Variants in UNC80 observed in about 807,000 individuals in gnomAD.
The protein encoded by UNC80 is protein unc-80 homolog.
UNC80 carries 164 observed loss-of-function variants against 384.6 expected under a neutral mutation model. That is an observed-to-expected ratio of 0.43 (90% confidence interval 0.38 to 0.49). UNC80 has a LOEUF of 0.49. Among genes scored for constraint, UNC80 ranks in the 20% least tolerant of loss-of-function variants. The pLI, the probability that UNC80 is intolerant of heterozygous loss-of-function variation, is 0.00. For synonymous variants in UNC80, 1,486 were observed against 1,527.8 expected (o/e 0.97, Z 0.64); for missense variants, 3,330 against 4,143.0 (o/e 0.80, Z 5.39).
At position 209,941,356 on chromosome 2, in the gene UNC80, G is replaced by C. The variant is rs2091619893; in HGVS notation, c.6782G>C (p.Gly2261Ala). ...ATGCTTTTCCTCAACGTTTTTAACG[G>C]GGCTCTGATCCTCCACCCGGAAGAC... ...EIMLFLNVFN[G>A]ALILHPEDSA... Residue 2261 changes from glycine to alanine, a missense_variant, in exon 44 of 65, where the codon GGG (glycine) becomes GCG (alanine). Physicochemically the swap from Gly to Ala is moderately conservative, Grantham distance 60. Coordinates refer to ENST00000673920, the MANE Select transcript of UNC80 (RefSeq NM_001371986.1). 3 of 1,551,138 alleles carry C rather than the reference G, an allele frequency of 1.9e-6. No individual in the cohort carries two copies. Among genetic ancestry groups the C allele is most frequent in the Non-Finnish European group, 2.6e-6 (3 of 1,146,644 alleles).
In UNC80 at chr2:209,982,173, T is replaced by C; in HGVS notation, c.9119-6T>C. 6.5e-7 allele frequency: 1 copy of C among 1,550,288 alleles called. No individual in the cohort carries two copies. The highest frequency in any genetic ancestry group is 8.7e-7 in the Non-Finnish European group (1 of 1,146,204). Reference sequence around the variant, plus strand: ...TTGTAACACTCTATTCCTTTGCCCCTTTTAGATGACTCTATAAGCATGCCC... The same window carrying C: ...TTGTAACACTCTATTCCTTTGCCCCCTTTAGATGACTCTATAAGCATGCCC... On this transcript the variant is annotated splice_polypyrimidine_tract_variant and splice_region_variant and intron_variant, in intron 59 of 64. Coordinates refer to ENST00000673920, the MANE Select transcript of UNC80 (RefSeq NM_001371986.1).
At chr2:209,772,828 C>T (rs897369673) in intron 1 of UNC80, among the ~76,000 whole-genome samples, 2 of 152,000 alleles carry the variant, frequency 1.3e-5, no homozygotes, top group East Asian at 1.9e-4. Flanking sequence ...CACTTCTGAC[C>T]ACTGGCGATT....
At chr2:209,827,504 C>G (rs77846645) in intron 14 of UNC80, among the ~76,000 whole-genome samples, 1 of 152,060 alleles carries the variant, frequency 6.6e-6, no homozygotes, top group African/African-American at 2.4e-5. Flanking sequence ...CCAGGAGCAC[C>G]GAACACTTCC....
At chr2:209,959,348 A>AT (rs2092517696) in intron 50 of UNC80, 141 bp from the exon 51 acceptor site, 2 of 1,071,092 alleles carry the variant, frequency 1.9e-6, no homozygotes, top group Non-Finnish European at 2.7e-6. Context: ...TATCCTTCGG[A>AT]TGAGGTTCTC....
chr2:209,877,878 G>C (rs1391755116), intron 23 of UNC80, 76 bp from the exon 24 acceptor site: 2 of 1,395,628 alleles, frequency 1.4e-6, no homozygotes, highest in Admixed American at 3.0e-5. Context: ...GGTTGCTTAT[G>C]TCTGATGTAA....
chr2:209,848,196 C>T (rs779639114), intron 21 of UNC80, among the ~76,000 whole-genome samples: 1 of 151,916 alleles, frequency 6.6e-6, no homozygotes, highest in African/African-American at 2.4e-5. Context: ...GTTTGTTCCT[C>T]GTCTATAGCT....
chr2:209,921,689 G>T lies in UNC80; in HGVS notation c.5530+3G>T, dbSNP rs2124953239. 6.5e-7 allele frequency: 1 copy of T among 1,548,946 alleles called. No homozygotes were observed. Among genetic ancestry groups the T allele is most frequent in the Non-Finnish European group, 8.7e-7 (1 of 1,145,902 alleles). ...CAACTCAGAACCGGAAGAAGAAGGT[G>T]CCCTCTGCACACAGGACTTCTTGGG... On this transcript the variant is annotated splice_donor_region_variant and intron_variant, in intron 34 of 64. Transcript: ENST00000673920.
At chr2:209,986,158 C>A (rs2093283091) in intron 61 of UNC80, among the ~76,000 whole-genome samples, 2 of 152,296 alleles carry the variant, frequency 1.3e-5, no homozygotes, top group South Asian at 4.1e-4. Context: ...TGGAAGAGAT[C>A]TGAACCAAGT....
chr2:209,877,349 C>T (rs988523213), intron 23 of UNC80, among the ~76,000 whole-genome samples: 7 of 152,056 alleles, frequency 4.6e-5, no homozygotes, highest in African/African-American at 1.4e-4. Context: ...GTTATTAAAA[C>T]TCATATTTCT....
Position 209,995,318 on chromosome 2 carries a change from T to G in UNC80, c.9709-11T>G. The G allele has an allele frequency of 6.4e-7, 1 of 1,551,988 alleles. No homozygotes were observed. The highest frequency in any genetic ancestry group is 8.7e-7 in the Non-Finnish European group (1 of 1,147,014). ...TATCTTTCCATAATGTTATGATCCT[T>G]TTGATCACAGAGTGAGAACTTCCCC... On this transcript the variant is annotated splice_polypyrimidine_tract_variant and intron_variant, in intron 64 of 64. Coordinates refer to ENST00000673920, the MANE Select transcript of UNC80 (RefSeq NM_001371986.1).
intron 25 of UNC80, among the ~76,000 whole-genome samples, chr2:209,883,589 C>A (rs1414717845): frequency 1.3e-5 from 2 of 151,940 alleles, no homozygotes; most frequent in African/African-American, 2.4e-5. Flanking sequence ...CACCACCATG[C>A]CCAGCTAATT....
intron 5 of UNC80, among the ~76,000 whole-genome samples, chr2:209,788,921 T>G (rs1002988263): frequency 6.6e-6 from 1 of 152,188 alleles, no homozygotes; most frequent in Non-Finnish European, 1.5e-5. Flanking sequence ...GTAAGTGCTC[T>G]ATATAGGTGT....
At chr2:209,964,599 C>A (rs1279183103) in intron 51 of UNC80, among the ~76,000 whole-genome samples, 1 of 151,964 alleles carries the variant, frequency 6.6e-6, no homozygotes, top group Non-Finnish European at 1.5e-5. Flanking sequence ...CCATCCTGGC[C>A]AACATAGTGA....
chr2:209,877,547 T>C (rs2084891291), intron 23 of UNC80, among the ~76,000 whole-genome samples: 1 of 152,176 alleles, frequency 6.6e-6, no homozygotes, highest in Non-Finnish European at 1.5e-5. Flanking sequence ...GACATTCTCA[T>C]TAAAAATAGC....
chr2:209,825,919 C>A lies in UNC80; in HGVS notation c.2344C>A (p.Pro782Thr), dbSNP rs530862952. The A allele has an allele frequency of 2.6e-6, 4 of 1,545,464 alleles. No homozygotes were observed. The highest frequency in any genetic ancestry group is 3.5e-6 in the Non-Finnish European group (4 of 1,144,454). The change falls in exon 14 of 65, where the codon CCT (proline) becomes ACT (threonine). Residue 782 changes from proline to threonine, a missense_variant. Around this residue, in one of 8 missense-constraint regions of UNC80, gnomAD observed 937 missense variants for 1,026.8 expected, o/e 0.91. Transcript: ENST00000673920. The part of the protein sequence containing the change: ...DKNQEKDEST[P>T]VSNHRLALTM... Reference sequence around the variant, plus strand: ...TCGTGGGTACCAGGATGAAAGTACACCTGTAAGCAACCATAGGCTTGCTCT... The same window carrying A: ...TCGTGGGTACCAGGATGAAAGTACAACTGTAAGCAACCATAGGCTTGCTCT...
chr2:209,995,030 A>G (rs1021616552), intron 64 of UNC80, among the ~76,000 whole-genome samples: 2 of 152,196 alleles, frequency 1.3e-5, no homozygotes, highest in Non-Finnish European at 2.9e-5. Flanking sequence ...ATGTTACTGT[A>G]TACATTTGTA....
intron 33 of UNC80, among the ~76,000 whole-genome samples, chr2:209,921,033 G>T (rs2089997822): frequency 6.6e-6 from 1 of 152,022 alleles, no homozygotes; most frequent in Admixed American, 6.6e-5. Flanking sequence ...TCACCATGTT[G>T]CTCAGGCTGG....
chr2:209,772,094 G>C lies in UNC80; in HGVS notation c.22G>C (p.Glu8Gln), dbSNP rs1197659901. 2.6e-6 allele frequency: 4 copies of C among 1,549,496 alleles called. No individual in the cohort carries two copies. In the African/African-American group the frequency reaches 4.1e-5, roughly 16 times the overall value. The change falls in exon 1 of 65, where the codon GAG becomes CAG. Residue 8 changes from glutamate (E) to glutamine (Q), a missense_variant. By Grantham distance (29) the Glu-to-Gln change is conservative. Coordinates refer to ENST00000673920, the MANE Select transcript of UNC80 (RefSeq NM_001371986.1). The part of the protein sequence containing the change: MVKRKSS[E>Q]GQEQDGGRGI... ...CATTATGGTGAAGAGGAAGAGCTCCGAGGGCCAGGAGCAGGACGGCGGCCG... is the reference window on the plus strand; with the variant it reads ...CATTATGGTGAAGAGGAAGAGCTCCCAGGGCCAGGAGCAGGACGGCGGCCG...
intron 7 of UNC80, among the ~76,000 whole-genome samples, chr2:209,804,187 A>C (rs559859154): frequency 1.1e-4 from 17 of 152,342 alleles, no homozygotes; most frequent in African/African-American, 3.6e-4. Flanking sequence ...CACGCCCAAC[A>C]TACAGTGGTA....
Sources: gnomAD v4.1 joint callset for allele counts (sites outside exome capture counted in the v4.1 genomes callset) on GRCh38, gnomAD v4.1.1 for gene constraint, gnomAD v4.1.1 regional missense constraint, MANE v1.5 for transcripts, NCBI Gene and HGNC (gene_info 2026-07-23, HGNC 2026-07-21) for gene names.